Variants in CABYR observed in about 807,000 individuals in gnomAD.
The protein encoded by CABYR is calcium binding tyrosine phosphorylation regulated, also known as calcium-binding tyrosine phosphorylation-regulated protein.
CABYR carries 31 observed loss-of-function variants against 36.1 expected under a neutral mutation model. The ratio of observed to expected loss-of-function variants is 0.86; its 90% CI spans 0.64 to 1.16. CABYR has a LOEUF of 1.16. Ranked by LOEUF, CABYR falls within the 50% of genes most tolerant of loss-of-function variation. The probability of loss-of-function intolerance (pLI) is 0.00; values close to 1 mark genes in which losing one functional copy is unlikely to be tolerated. For missense variants in CABYR, 429 were observed against 455.8 expected, an observed-to-expected ratio of 0.94 and a Z score of 0.53; for synonymous variants, 146 against 160.7, an observed-to-expected ratio of 0.91 and a Z score of 0.69.
intron 4 of CABYR, chr18:24,156,946 C>CAGA: frequency 6.2e-7 from 1 of 1,611,252 alleles, no homozygotes; most frequent in Middle Eastern, 1.7e-4. Flanking sequence ...CTTACTGCAC[C>CAGA]AGAAATTGAA....
intron 3 of CABYR, among the ~76,000 whole-genome samples, 189 bp from the exon 4 acceptor site, chr18:24,155,512 T>TG (rs1344406039): frequency 2.6e-5 from 4 of 152,108 alleles, no homozygotes; most frequent in African/African-American, 7.2e-5. Flanking sequence ...TGGGTAGAGA[T>TG]GGGGTCTCAC....
chr18:24,143,297 G>C, intron 2 of CABYR, 38 bp downstream of exon 2: 1 of 1,600,134 alleles, frequency 6.2e-7, no homozygotes. Context: ...CTTTGAAAAA[G>C]AAAACATTTT....
intron 5 of CABYR, 30 bp from the exon 6 acceptor site, chr18:24,161,486 A>ACAATT: frequency 1.3e-6 from 1 of 779,648 alleles, no homozygotes; most frequent in Non-Finnish European, 2.4e-6. Flanking sequence ...TTAACTTTAA[A>ACAATT]CAATTCAATG....
At chr18:24,157,999 G>A (rs1891213275) in intron 4 of CABYR, among the ~76,000 whole-genome samples, 1 of 152,230 alleles carries the variant, frequency 6.6e-6, no homozygotes, top group African/African-American at 2.4e-5. Context: ...CAGTGTGACA[G>A]GGATTCTGCA....
At chr18:24,147,597 A>G (rs756260610) in intron 3 of CABYR, among the ~76,000 whole-genome samples, 47 of 152,302 alleles carry the variant, frequency 3.1e-4, no homozygotes, top group Admixed American at 4.6e-4. Context: ...GCTTTATTCT[A>G]TAGAGGAGAG....
chr18:24,142,556 G>A (rs2085350105), intron 1 of CABYR, among the ~76,000 whole-genome samples: 2 of 151,634 alleles, frequency 1.3e-5, no homozygotes, highest in South Asian at 4.2e-4. Context: ...ATGTCCTCAG[G>A]GTCTTGGCAG....
chr18:24,150,946 A>AT (rs2085615633), intron 3 of CABYR, among the ~76,000 whole-genome samples: 1 of 151,812 alleles, frequency 6.6e-6, no homozygotes, highest in Non-Finnish European at 1.5e-5. Flanking sequence ...CGCCCGGCTA[A>AT]TTTTTTGTAT....
chr18:24,143,421 C>T lies in CABYR; in HGVS notation c.199+8C>T. The T allele has an allele frequency of 6.9e-7, 1 of 1,451,222 alleles. No homozygotes were observed. The highest frequency in any genetic ancestry group is 1.4e-5 in the African/African-American group (1 of 70,954). The allele number at this position is 1,451,222 out of a possible 1,614,324, so 89.9% of individuals were successfully genotyped here. ...AATTTCATCAGATTAAAGGTAAGTA[C>T]CACAAGTAGTAATAGTTTTAATAAT... On this transcript the variant is annotated splice_region_variant and intron_variant, in intron 3 of 5. Coordinates refer to ENST00000399496, the MANE Select transcript of CABYR (RefSeq NM_153769.3).
At chr18:24,146,528 G>T (rs1424208704) in intron 3 of CABYR, among the ~76,000 whole-genome samples, 1 of 151,032 alleles carries the variant, frequency 6.6e-6, no homozygotes, top group Non-Finnish European at 1.5e-5. Context: ...AAGCCTAGGT[G>T]ACAGAGCAAG....
At chr18:24,149,734 C>T (rs1568460158) in intron 3 of CABYR, among the ~76,000 whole-genome samples, 1 of 152,252 alleles carries the variant, frequency 6.6e-6, no homozygotes, top group Non-Finnish European at 1.5e-5. Context: ...AGAAATCAAG[C>T]ACAGCGCCGG....
chr18:24,149,290 T>G (rs958462074), intron 3 of CABYR, among the ~76,000 whole-genome samples: 7 of 152,112 alleles, frequency 4.6e-5, no homozygotes, highest in Non-Finnish European at 1.0e-4. Context: ...ACATAAAGGT[T>G]CTCTACGGCC....
chr18:24,159,506 A>C lies in CABYR; in HGVS notation c.576A>C (p.Pro192=), dbSNP rs766859437. 6.2e-7 allele frequency: 1 copy of C among 1,613,962 alleles called. No homozygotes were observed. The highest frequency in any genetic ancestry group is 1.3e-5 in the African/African-American group (1 of 75,006). The change falls in exon 5 of 6, where the codon CCA becomes CCC. Residue 192 remains proline, a synonymous_variant. Coordinates refer to ENST00000399496, the MANE Select transcript of CABYR (RefSeq NM_153769.3). ...MATSERGQPP[P]CSNMWTLYCL... is the part of the protein sequence containing the mutation. ...CAAGTGAACGAGGACAACCACCACC[A>C]TGTTCTAACATGTGGACCCTTTATT...
intron 3 of CABYR, among the ~76,000 whole-genome samples, chr18:24,150,068 A>C (rs112038082): frequency 0.079 from 12,058 of 152,324 alleles, 1,526 homozygotes; most frequent in African/African-American, 0.27. Context: ...AGGAGGCGCC[A>C]AGAGCGAGCA....
Position 24,159,649 on chromosome 18 carries a change from C to CTTTTGG in CABYR, c.719_720insTTTTGG (p.Pro240_Lys241insPheGly). The CTTTTGG allele has an allele frequency of 6.2e-7, 1 of 1,614,026 alleles. No homozygotes were observed. The highest frequency in any genetic ancestry group is 8.5e-7 in the Non-Finnish European group (1 of 1,180,016). ...GATCCACAGTTTCAGCAGCATCCAC[C>CTTTTGG]AAAAGTCACTTTTCCAACTTATGTG... On this transcript the variant is annotated inframe_insertion, in exon 5 of 6. Transcript: ENST00000399496.
At chr18:24,157,257 T>C (rs1274655600) in intron 4 of CABYR, among the ~76,000 whole-genome samples, 1 of 152,192 alleles carries the variant, frequency 6.6e-6, no homozygotes, top group Non-Finnish European at 1.5e-5. Context: ...TTGGACATAT[T>C]ATGTAGTCAA....
intron 3 of CABYR, chr18:24,148,457 C>T (rs1035750268): frequency 1.3e-5 from 2 of 152,238 alleles, no homozygotes; most frequent in African/African-American, 2.4e-5. Flanking sequence ...TGCTTTAATT[C>T]TTTGCCCTTA....
intron 4 of CABYR, chr18:24,156,972 A>G (rs1208039935): frequency 1.2e-6 from 2 of 1,607,254 alleles, no homozygotes; most frequent in Non-Finnish European, 1.7e-6. Context: ...AGGGGAATCA[A>G]CAGCTGAATA....
chr18:24,149,868 A>G (rs1317012015), intron 3 of CABYR, among the ~76,000 whole-genome samples: 1 of 152,226 alleles, frequency 6.6e-6, no homozygotes, highest in East Asian at 1.9e-4. Flanking sequence ...CGCCAAGCCC[A>G]TGCCCACTCG....
At chr18:24,157,760 A>C (rs2085830138) in intron 4 of CABYR, among the ~76,000 whole-genome samples, 1 of 152,190 alleles carries the variant, frequency 6.6e-6, no homozygotes, top group Non-Finnish European at 1.5e-5. Context: ...TATGACATAG[A>C]CATGATGTGA....
Sources: allele counts gnomAD v4.1 joint callset (sites outside exome capture counted in the v4.1 genomes callset), GRCh38; gene constraint gnomAD v4.1.1; transcripts MANE v1.5; gene names NCBI Gene and HGNC (gene_info 2026-07-23, HGNC 2026-07-21).